The following BMP6 variants were observed in gnomAD, a reference collection of about 807,000 sequenced individuals.
BMP6 encodes the protein bone morphogenetic protein 6.
BMP6 carries 17 observed loss-of-function variants against 54.1 expected under a neutral mutation model. The observed-to-expected ratio is 0.31, with a 90% CI of 0.22 to 0.47. The LOEUF is 0.47. Among genes scored for constraint, BMP6 ranks in the 20% least tolerant of loss-of-function variants. The probability of loss-of-function intolerance (pLI) is 1.00; values close to 1 mark genes in which losing one functional copy is unlikely to be tolerated. For missense variants in BMP6, 720 were observed against 690.4 expected (o/e 1.04, Z -0.48); for synonymous variants, 328 against 291.2 (o/e 1.13, Z -1.28).
intron 1 of BMP6, among the ~76,000 whole-genome samples, chr6:7,792,516 C>G (rs1758125893): frequency 6.6e-6 from 1 of 152,154 alleles, no homozygotes; most frequent in African/African-American, 2.4e-5. Flanking sequence ...GTCTTGTCCA[C>G]CTAATGGCTG....
intron 1 of BMP6, among the ~76,000 whole-genome samples, chr6:7,834,091 T>A (rs1411067391): frequency 1.3e-5 from 2 of 150,446 alleles, no homozygotes; most frequent in South Asian, 4.2e-4. Flanking sequence ...GACAGGGTAG[T>A]GGGGAGCTGT....
intron 1 of BMP6, among the ~76,000 whole-genome samples, chr6:7,734,625 G>T (rs1198934000): frequency 6.6e-6 from 1 of 152,160 alleles, no homozygotes; most frequent in East Asian, 1.9e-4. Context: ...ATGTCCAAAG[G>T]ACTGTTGACT....
chr6:7,813,769 A>G (rs955731476), intron 1 of BMP6, among the ~76,000 whole-genome samples: 1 of 150,832 alleles, frequency 6.6e-6, no homozygotes, highest in African/African-American at 2.4e-5. Flanking sequence ...AATTCCCTTG[A>G]TTTTGAATAC....
chr6:7,779,578 G>A (rs922250542), intron 1 of BMP6, among the ~76,000 whole-genome samples: 3 of 152,158 alleles, frequency 2.0e-5, no homozygotes, highest in African/African-American at 7.2e-5. Context: ...GGCCTCAAGT[G>A]ATCTGCCTGC....
chr6:7,793,364 T>C (rs891568650), intron 1 of BMP6, among the ~76,000 whole-genome samples: 1 of 149,836 alleles, frequency 6.7e-6, no homozygotes, highest in Non-Finnish European at 1.5e-5. Context: ...TGGCCAAGGG[T>C]TTGGGGGAAG....
intron 2 of BMP6, among the ~76,000 whole-genome samples, chr6:7,848,963 G>A (rs1759105718): frequency 6.6e-6 from 1 of 152,130 alleles, no homozygotes. Flanking sequence ...GATAGACAGG[G>A]CAGGCATGTT....
rs565153659 is a variant in BMP6 at position 7,810,986 on chromosome 6, G to A, written c.665-34154G>A. ...GGTCTGAAACTGGGCCCTCATTGAA[G>A]TATCTTCAATGTGTAGGGCCTGATA... On this transcript the variant is annotated intron_variant, in intron 1 of 6. Coordinates refer to ENST00000283147, the MANE Select transcript of BMP6 (RefSeq NM_001718.6). 1.3e-4 allele frequency among the ~76,000 whole-genome samples: 20 copies of A among 152,344 alleles called. No homozygotes were observed. In the South Asian group the frequency reaches 3.5e-3, roughly 27 times the overall value.
rs1446197174 is a variant in BMP6 at position 7,880,989 on chromosome 6, T to C, written c.*646T>C. The C allele has an allele frequency of 6.5e-6, 1 of 153,950 alleles. No individual in the cohort carries two copies. Among genetic ancestry groups the C allele is most frequent in the African/African-American group, 2.4e-5 (1 of 41,448 alleles). 9.5% of individuals were successfully genotyped at this position (153,950 alleles called of 1,614,324 possible). ...CCATTTCTACACCTCAATCCTCCAT[T>C]TGCTGTACTCTTTGCTAGTACCAAA... On this transcript the variant is annotated 3_prime_UTR_variant, in exon 7 of 7. Transcript: ENST00000283147.
intron 1 of BMP6, among the ~76,000 whole-genome samples, chr6:7,752,360 AT>A (rs1156836775): frequency 6.6e-6 from 1 of 152,170 alleles, no homozygotes; most frequent in Non-Finnish European, 1.5e-5. Context: ...CAAACTCTTA[AT>A]TCCAGGTGGG....
rs148430831 is a variant in BMP6, at chr6:7,847,444, G to A, written c.857+2112G>A. Among the ~76,000 whole-genome samples, 598 of 152,258 alleles carry A rather than the reference G, an allele frequency of 3.9e-3. 4 individuals carry two copies. Among genetic ancestry groups the A allele is most frequent in the African/African-American group, 0.014 (572 of 41,536 alleles). On this transcript the variant is annotated intron_variant, in intron 2 of 6. Transcript: ENST00000283147. Reference sequence around the variant, plus strand: ...CAGATTCAGCTGCAGGACTCCTTTCGGGGGAAGGTTTGATCTCCCCATCTG... The same window carrying A: ...CAGATTCAGCTGCAGGACTCCTTTCAGGGGAAGGTTTGATCTCCCCATCTG...
At chr6:7,787,186 T>C (rs185438459) in intron 1 of BMP6, among the ~76,000 whole-genome samples, 2 of 152,274 alleles carry the variant, frequency 1.3e-5, no homozygotes, top group East Asian at 3.9e-4. Flanking sequence ...AATAACTAAG[T>C]GTTGATCGGC....
rs540723679 is a variant in BMP6, at chr6:7,860,651, A to G, written c.858-800A>G. ...CAAAGAACCCCAGCTGTAGCTCACC[A>G]CTGTGCTGGGATGAACTTTAAAATC... On this transcript the variant is annotated intron_variant, in intron 2 of 6. Transcript: ENST00000283147. 1.6e-4 allele frequency among the ~76,000 whole-genome samples: 24 copies of G among 152,334 alleles called. No individual in the cohort carries two copies. The South Asian group carries it at 5.0e-3, about 32-fold the overall frequency.
At chr6:7,773,977 C>T (rs1757825675) in intron 1 of BMP6, among the ~76,000 whole-genome samples, 1 of 152,210 alleles carries the variant, frequency 6.6e-6, no homozygotes. Flanking sequence ...CCCTGAACAT[C>T]TTTGACCATC....
At chr6:7,834,521 A>AT (rs34500059) in intron 1 of BMP6, among the ~76,000 whole-genome samples, 14,054 of 149,406 alleles carry the variant, frequency 0.094, 1,300 homozygotes, top group African/African-American at 0.24. Context: ...AGCAATTTGA[A>AT]TTTTTTTTTT....
chr6:7,855,185 C>CT (rs531505346), intron 2 of BMP6, among the ~76,000 whole-genome samples: 316 of 152,336 alleles, frequency 2.1e-3, no homozygotes, highest in Middle Eastern at 0.01. Flanking sequence ...GCTTTCAACT[C>CT]TAAGTTCACA....
At chr6:7,790,036 C>G (rs972758108) in intron 1 of BMP6, among the ~76,000 whole-genome samples, 45 of 152,288 alleles carry the variant, frequency 3.0e-4, no homozygotes, top group African/African-American at 1.1e-3. Flanking sequence ...GTTGCTCCTT[C>G]TCAGGGTTGC....
At chr6:7,753,414 G>A (rs1443181323) in intron 1 of BMP6, among the ~76,000 whole-genome samples, 5 of 152,234 alleles carry the variant, frequency 3.3e-5, no homozygotes, top group Non-Finnish European at 5.9e-5. Context: ...GAGCGTGTCA[G>A]AAATGCAGCA....
chr6:7,833,498 T>TG (rs1189270165), intron 1 of BMP6, among the ~76,000 whole-genome samples: 1 of 152,110 alleles, frequency 6.6e-6, no homozygotes, highest in Non-Finnish European at 1.5e-5. Flanking sequence ...GAGAGACATC[T>TG]GGGGGAAGAA....
In BMP6 at chr6:7,809,419, A is replaced by C. The variant is rs139030841; in HGVS notation, c.665-35721A>C. On this transcript the variant is annotated intron_variant, in intron 1 of 6. Coordinates refer to ENST00000283147, the MANE Select transcript of BMP6 (RefSeq NM_001718.6). ...ACTCAATCCAGGTTTGTGGAAGATT[A>C]GCTGTTCTAAACAGAAATGGAAGAA... Among the ~76,000 whole-genome samples the C allele has an allele frequency of 5.4e-4, 82 of 152,384 alleles. 2 individuals are homozygous for C. In the East Asian group the frequency reaches 0.014, roughly 26 times the overall value.
Sources: gnomAD v4.1 joint callset for allele counts (sites outside exome capture counted in the v4.1 genomes callset) on GRCh38, gnomAD v4.1.1 for gene constraint, MANE v1.5 for transcripts, NCBI Gene and HGNC (gene_info 2026-07-23, HGNC 2026-07-21) for gene names.